The following KHDRBS2 variants were observed in gnomAD, a reference collection of about 807,000 sequenced individuals.
The protein encoded by KHDRBS2 is KH RNA binding domain containing, signal transduction associated 2.
Under a neutral mutation model 44.3 loss-of-function variants are expected in KHDRBS2, and 26 were observed. That is an observed-to-expected ratio of 0.59 (90% CI 0.43 to 0.81). The LOEUF (loss-of-function observed/expected upper bound fraction) is 0.81, where lower values mean the gene tolerates loss of function less well. Ranked by LOEUF, KHDRBS2 falls within the 40% of genes least tolerant of loss-of-function variation. The pLI is 0.00. For synonymous variants in KHDRBS2, 194 were observed against 151.1 expected, an observed-to-expected ratio of 1.28 and a Z score of -2.08; for missense variants, 476 against 433.1, an observed-to-expected ratio of 1.10 and a Z score of -0.88.
Position 62,239,749 on chromosome 6 carries a change from G to T in KHDRBS2, c.91+46109C>A, listed in dbSNP as rs555987237. Reference sequence around the variant, plus strand: ...CACCTAGGCTGGAGTGCAGTGGCGGGATCTCAGATGACTGCAACTTCCACG... The same window carrying T: ...CACCTAGGCTGGAGTGCAGTGGCGGTATCTCAGATGACTGCAACTTCCACG... On this transcript the variant is annotated intron_variant, in intron 1 of 8. Coordinates refer to ENST00000281156, the MANE Select transcript of KHDRBS2 (RefSeq NM_152688.4). Among the ~76,000 whole-genome samples, 86 of 152,150 alleles carry T rather than the reference G, an allele frequency of 5.7e-4. 1 individual carries two copies. In the Middle Eastern group the frequency reaches 0.014, roughly 24 times the overall value.
the KHDRBS2 span, among the ~76,000 whole-genome samples, chr6:61,555,768 G>C: frequency 6.6e-6 from 1 of 152,098 alleles, no homozygotes; most frequent in Admixed American, 6.5e-5. Flanking sequence ...TTCACTTCTG[G>C]TAGATTGTTT....
intron 6 of KHDRBS2, among the ~76,000 whole-genome samples, chr6:61,790,501 T>C (rs1448476432): frequency 6.6e-6 from 1 of 151,320 alleles, no homozygotes; most frequent in Non-Finnish European, 1.5e-5. Flanking sequence ...GCTCTTTACC[T>C]GGATGGTTTC....
intron 2 of KHDRBS2, among the ~76,000 whole-genome samples, chr6:62,063,364 G>C (rs1792567418): frequency 6.6e-6 from 1 of 151,330 alleles, no homozygotes; most frequent in African/African-American, 2.4e-5. Context: ...GATGAACATT[G>C]ATGCAAAAAT....
At chr6:61,956,059 G>A (rs1767192622) in intron 4 of KHDRBS2, among the ~76,000 whole-genome samples, 1 of 151,966 alleles carries the variant, frequency 6.6e-6, no homozygotes, top group Non-Finnish European at 1.5e-5. Context: ...TGGGCGTGGT[G>A]GTGTGCGTCT....
chr6:62,283,354 A>G (rs1186876940), intron 1 of KHDRBS2, among the ~76,000 whole-genome samples: 5 of 152,096 alleles, frequency 3.3e-5, no homozygotes, highest in Non-Finnish European at 7.4e-5. Flanking sequence ...TTCTACATGA[A>G]GCACTGTCAA....
intron 1 of KHDRBS2, among the ~76,000 whole-genome samples, chr6:62,186,037 G>A (rs2150128324): frequency 6.6e-6 from 1 of 151,992 alleles, no homozygotes; most frequent in South Asian, 2.1e-4. Context: ...TCTTATGAGG[G>A]GCATCCTAGT....
At chr6:62,267,241 G>A (rs938091379) in intron 1 of KHDRBS2, among the ~76,000 whole-genome samples, 1 of 152,052 alleles carries the variant, frequency 6.6e-6, no homozygotes, top group Non-Finnish European at 1.5e-5. Context: ...GAAAGACTTT[G>A]TTGGAAGGCC....
intron 1 of KHDRBS2, among the ~76,000 whole-genome samples, chr6:62,229,405 C>A (rs1832508117): frequency 6.6e-6 from 1 of 152,172 alleles, no homozygotes; most frequent in Non-Finnish European, 1.5e-5. Flanking sequence ...GAGATGGCTG[C>A]TGCCCTTCCC....
At chr6:61,963,582 T>C (rs1000950201) in intron 4 of KHDRBS2, among the ~76,000 whole-genome samples, 2 of 152,068 alleles carry the variant, frequency 1.3e-5, no homozygotes, top group African/African-American at 4.8e-5. Context: ...GTAAACTTAA[T>C]TGAGTACAGG....
intron 6 of KHDRBS2, among the ~76,000 whole-genome samples, chr6:61,892,553 G>C (rs1490549922): frequency 6.6e-6 from 1 of 152,098 alleles, no homozygotes; most frequent in East Asian, 1.9e-4. Context: ...CCAAAACAGA[G>C]ATACAGACCA....
intron 1 of KHDRBS2, among the ~76,000 whole-genome samples, chr6:62,269,670 G>A (rs1395099570): frequency 6.6e-6 from 1 of 152,012 alleles, no homozygotes; most frequent in African/African-American, 2.4e-5. Context: ...CTAGAAAACT[G>A]TTTGGCAATT....
chr6:61,879,748 C>T (rs1265557507), intron 6 of KHDRBS2, among the ~76,000 whole-genome samples: 1 of 151,776 alleles, frequency 6.6e-6, no homozygotes, highest in Non-Finnish European at 1.5e-5. Context: ...GTCTCTTGTT[C>T]ATCCATTTTA....
intron 8 of KHDRBS2, 142 bp downstream of exon 8, chr6:61,697,053 C>T (rs1305019521): frequency 2.9e-6 from 2 of 694,024 alleles, no homozygotes; most frequent in Non-Finnish European, 5.2e-6. Flanking sequence ...CTGTGTAAGT[C>T]AAATCTCACC....
chr6:62,065,203 A>T (rs1793278202), intron 2 of KHDRBS2, among the ~76,000 whole-genome samples: 3 of 152,082 alleles, frequency 2.0e-5, no homozygotes, highest in Admixed American at 2.0e-4. Flanking sequence ...AACTAGTTCA[A>T]CCATTGTGGA....
chr6:61,896,454 A>C (rs1802960928), intron 5 of KHDRBS2, among the ~76,000 whole-genome samples: 3 of 152,118 alleles, frequency 2.0e-5, no homozygotes, highest in African/African-American at 7.2e-5. Flanking sequence ...CTAATATTAT[A>C]TGATGCTCAT....
intron 5 of KHDRBS2, 70 bp downstream of exon 5, chr6:61,901,174 T>A (rs2127342875): frequency 2.1e-6 from 3 of 1,462,242 alleles, no homozygotes; most frequent in Middle Eastern, 1.8e-4. Context: ...CTAGTGATAA[T>A]CATGACATAA....
the KHDRBS2 span, among the ~76,000 whole-genome samples, chr6:61,571,335 A>G: frequency 1.8e-3 from 274 of 152,312 alleles, 1 homozygote; most frequent in African/African-American, 5.6e-3. Context: ...GGGACATTAT[A>G]TAATGATAAA....
Position 61,978,207 on chromosome 6 carries a change from T to G in KHDRBS2, c.342A>C (p.Glu114Asp), listed in dbSNP as rs1417440572. 6.3e-7 allele frequency: 1 copy of G among 1,600,000 alleles called. No individual in the cohort carries two copies. The highest frequency in any genetic ancestry group is 1.3e-5 in the African/African-American group (1 of 74,138). ...KGSMRDKAKE[E>D]ELRKSGEAKY... ...TGGCTTCCCCACTCTTCCTTAGTTC[T>G]TCTTCCTGTGAAAAAGGTTATTTTT... The change falls in exon 4 of 9, where the codon GAA becomes GAC. Residue 114 changes from glutamate (E) to aspartate (D), a missense_variant. Coordinates refer to ENST00000281156, the MANE Select transcript of KHDRBS2 (RefSeq NM_152688.4).
the KHDRBS2 span, among the ~76,000 whole-genome samples, chr6:61,552,234 C>T: frequency 6.6e-6 from 1 of 151,358 alleles, no homozygotes; most frequent in Non-Finnish European, 1.5e-5. Flanking sequence ...TTTCAATTCC[C>T]TGGATAACTG....
Sources: gnomAD v4.1 joint callset for allele counts (sites outside exome capture counted in the v4.1 genomes callset) on GRCh38, gnomAD v4.1.1 for gene constraint, MANE v1.5 for transcripts, NCBI Gene and HGNC (gene_info 2026-07-23, HGNC 2026-07-21) for gene names.